The following PPM1L variants were observed in gnomAD, a reference collection of about 807,000 sequenced individuals.
The protein encoded by PPM1L is protein phosphatase, Mg2+/Mn2+ dependent 1L.
In PPM1L, 13 loss-of-function variants were observed where a neutral mutation model predicts 31.4. That is an observed-to-expected ratio of 0.41 (90% CI 0.27 to 0.66). The LOEUF (loss-of-function observed/expected upper bound fraction) is 0.66, where lower values mean the gene tolerates loss of function less well. PPM1L is among the 30% of genes least tolerant of loss of function. PPM1L has a pLI of 0.29. For synonymous variants in PPM1L, 184 were observed against 175.4 expected (o/e 1.05, Z -0.39); for missense variants, 326 against 453.7 (o/e 0.72, Z 2.56).
At chr3:160,808,187 C>G (rs1057435975) in intron 1 of PPM1L, among the ~76,000 whole-genome samples, 2 of 152,082 alleles carry the variant, frequency 1.3e-5, no homozygotes, top group Non-Finnish European at 2.9e-5. Flanking sequence ...TTTAGATTTT[C>G]TAAGATTTTC....
intron 2 of PPM1L, among the ~76,000 whole-genome samples, chr3:160,976,882 G>A (rs546991150): frequency 1.8e-4 from 28 of 152,108 alleles, no homozygotes; most frequent in Middle Eastern, 3.4e-3. Flanking sequence ...CTTCAGTTCC[G>A]CTCTGATTTT....
At chr3:160,951,112 A>G (rs1715564070) in intron 1 of PPM1L, among the ~76,000 whole-genome samples, 1 of 152,226 alleles carries the variant, frequency 6.6e-6, no homozygotes. Context: ...GAACTCACTC[A>G]TAACAAAATT....
At chr3:160,773,027 G>T (rs1476171695) in intron 1 of PPM1L, among the ~76,000 whole-genome samples, 1 of 152,162 alleles carries the variant, frequency 6.6e-6, no homozygotes, top group South Asian at 2.1e-4. Context: ...ACAAGCCTTT[G>T]TATGGACATA....
At position 160,801,128 on chromosome 3, in the gene PPM1L, TACACACACACACACAC is replaced by T. The variant is rs10575984; in HGVS notation, c.399+44444_399+44459del. ...GTAAGGTTTACTAAATGTTTAGTGA[TACACACACACACACAC>T]ACACACACACACACACACACACGGG... On this transcript the variant is annotated intron_variant, in intron 1 of 3. Transcript: ENST00000498165. Among the ~76,000 whole-genome samples the T allele has an allele frequency of 6.2e-3, 900 of 145,688 alleles. 10 individuals are homozygous for T. Among genetic ancestry groups the T allele is most frequent in the African/African-American group, 0.021 (831 of 39,752 alleles).
intron 2 of PPM1L, among the ~76,000 whole-genome samples, chr3:160,976,803 G>A (rs1316503666): frequency 6.6e-6 from 1 of 151,930 alleles, no homozygotes; most frequent in Non-Finnish European, 1.5e-5. Flanking sequence ...TATCAGTTTT[G>A]TTGATCCTTT....
intron 1 of PPM1L, among the ~76,000 whole-genome samples, chr3:160,900,285 C>T (rs891595341): frequency 6.6e-6 from 1 of 152,040 alleles, no homozygotes; most frequent in Non-Finnish European, 1.5e-5. Flanking sequence ...TTTGATTGCT[C>T]ATATGATTGA....
chr3:161,046,717 A>G (rs1719092889), intron 2 of PPM1L, among the ~76,000 whole-genome samples: 2 of 152,230 alleles, frequency 1.3e-5, no homozygotes, highest in Non-Finnish European at 2.9e-5. Flanking sequence ...CGAATCCAGC[A>G]GCACATCAAA....
At chr3:161,007,166 G>T (rs996080174) in intron 2 of PPM1L, among the ~76,000 whole-genome samples, 2 of 152,124 alleles carry the variant, frequency 1.3e-5, no homozygotes, top group Admixed American at 1.3e-4. Context: ...TCTAATGGAG[G>T]GGGCACATTA....
intron 2 of PPM1L, among the ~76,000 whole-genome samples, chr3:161,002,999 T>C (rs1273866863): frequency 1.3e-5 from 2 of 150,886 alleles, no homozygotes; most frequent in Non-Finnish European, 3.0e-5. Context: ...TTAATCCATC[T>C]TGAATTGATT....
intron 2 of PPM1L, among the ~76,000 whole-genome samples, chr3:161,045,179 T>G (rs1326253690): frequency 1.3e-5 from 2 of 152,136 alleles, no homozygotes; most frequent in Non-Finnish European, 2.9e-5. Flanking sequence ...AATGGGAGAC[T>G]TTAACCCCCC....
At chr3:160,779,025 G>T (rs553449115) in intron 1 of PPM1L, among the ~76,000 whole-genome samples, 145 of 150,732 alleles carry the variant, frequency 9.6e-4, no homozygotes, top group African/African-American at 3.4e-3. Flanking sequence ...GTCTAAAAAT[G>T]CTTTGTTTTC....
chr3:160,902,170 G>A (rs1018800329), intron 1 of PPM1L, among the ~76,000 whole-genome samples: 2 of 151,982 alleles, frequency 1.3e-5, no homozygotes, highest in Admixed American at 6.6e-5. Context: ...GTGTGTGTAC[G>A]TATGTTTTAA....
intron 2 of PPM1L, among the ~76,000 whole-genome samples, chr3:161,024,098 G>A (rs1173910741): frequency 6.6e-6 from 1 of 151,800 alleles, no homozygotes; most frequent in African/African-American, 2.4e-5. Context: ...CCAACATGGT[G>A]AAATTAGCTG....
chr3:160,866,651 A>G (rs1037912566), intron 1 of PPM1L, among the ~76,000 whole-genome samples: 15 of 152,216 alleles, frequency 9.9e-5, no homozygotes, highest in African/African-American at 3.4e-4. Flanking sequence ...TGTGATTTTC[A>G]TGGGACTGTA....
chr3:160,880,644 T>G (rs1461038211), intron 1 of PPM1L, among the ~76,000 whole-genome samples: 1 of 149,994 alleles, frequency 6.7e-6, no homozygotes, highest in East Asian at 1.9e-4. Flanking sequence ...AAAAAAAAAG[T>G]CAAGGAATCC....
chr3:160,806,693 C>T (rs1275661219), intron 1 of PPM1L, among the ~76,000 whole-genome samples: 1 of 151,688 alleles, frequency 6.6e-6, no homozygotes, highest in African/African-American at 2.4e-5. Context: ...ATTGCCTGAG[C>T]TCAGAATTCG....
intron 1 of PPM1L, among the ~76,000 whole-genome samples, chr3:160,954,834 C>T (rs1715689832): frequency 8.5e-6 from 1 of 117,500 alleles, no homozygotes; most frequent in Non-Finnish European, 1.8e-5. Flanking sequence ...TCTTCTTAAT[C>T]AATTCTTTGT....
intron 2 of PPM1L, among the ~76,000 whole-genome samples, chr3:161,024,292 A>T (rs1576790252): frequency 6.7e-6 from 1 of 149,380 alleles, no homozygotes; most frequent in Non-Finnish European, 1.5e-5. Flanking sequence ...AGATTTTTGG[A>T]TAGTCTTTTG....
chr3:160,756,805 A>C lies in PPM1L; in HGVS notation c.399+98A>C, dbSNP rs926440207. On this transcript the variant is annotated intron_variant, in intron 1 of 3. Transcript: ENST00000498165. This position sits in a 1 kb window ranked among gnomAD's most constrained non-coding sequence, Gnocchi z 6.2. ...TGTGTGTGTGTATAAACAACAGGAC[A>C]GCGTGTGCGCAGCGGGAGAGGATCT... The C allele has an allele frequency of 3.2e-6, 4 of 1,257,810 alleles. No individual in the cohort carries two copies. The highest frequency in any genetic ancestry group is 5.5e-4 in the Middle Eastern group (2 of 3,642). The allele number at this position is 1,257,810 out of a possible 1,614,324, so 77.9% of individuals were successfully genotyped here.
Sources: gnomAD v4.1 joint callset for allele counts (sites outside exome capture counted in the v4.1 genomes callset) on GRCh38, gnomAD v4.1.1 for gene constraint, Gnocchi (gnomAD v3.1) non-coding constraint, MANE v1.5 for transcripts, NCBI Gene and HGNC (gene_info 2026-07-23, HGNC 2026-07-21) for gene names.